The following CSF1 variants were observed in gnomAD, a reference collection of about 807,000 sequenced individuals.
CSF1 encodes the protein macrophage colony-stimulating factor 1.
CSF1 carries 9 observed loss-of-function variants against 48.9 expected under a neutral mutation model. That is an observed-to-expected ratio of 0.18 (90% CI 0.11 to 0.32). CSF1 has a LOEUF of 0.32. Ranked by LOEUF, CSF1 falls within the 10% of genes least tolerant of loss-of-function variation. CSF1 has a pLI of 1.00. For synonymous variants in CSF1, 305 were observed against 284.1 expected (o/e 1.07, Z -0.74); for missense variants, 672 against 697.9 (o/e 0.96, Z 0.42).
intron 8 of CSF1, among the ~76,000 whole-genome samples, chr1:109,928,588 C>T (rs1264724182): frequency 2.0e-5 from 3 of 152,116 alleles, no homozygotes; most frequent in South Asian, 2.1e-4. Context: ...AGACCTCTCC[C>T]GGGCCCCGTT....
At position 109,911,075 on chromosome 1, in the gene CSF1, C is replaced by A; in HGVS notation, c.39+13C>A. ...CTGCCCTCCCACGGTAAGCGACGGC[C>A]GCGGCGCTGGGCCCGGGACGGGCTG... On this transcript the variant is annotated intron_variant, in intron 1 of 8. Transcript: ENST00000329608. The A allele has an allele frequency of 9.3e-7, 1 of 1,071,750 alleles. No homozygotes were observed. The highest frequency in any genetic ancestry group is 1.1e-6 in the Non-Finnish European group (1 of 887,808). The allele number at this position is 1,071,750 out of a possible 1,614,324, so 66.4% of individuals were successfully genotyped here.
At chr1:109,923,076 T>A in intron 5 of CSF1, 90 bp from the exon 6 acceptor site, 1 of 1,324,596 alleles carries the variant, frequency 7.5e-7, no homozygotes, top group African/African-American at 1.5e-5. Flanking sequence ...CACATTCCCC[T>A]CTTGCCCCGC....
chr1:109,912,174 G>A (rs537019457), intron 1 of CSF1, among the ~76,000 whole-genome samples: 2 of 152,222 alleles, frequency 1.3e-5, no homozygotes, highest in South Asian at 2.1e-4. Context: ...AAAGCTTCGG[G>A]GCTGAAGGGG....
chr1:109,917,761 A>G (rs1647302432), intron 4 of CSF1, among the ~76,000 whole-genome samples: 1 of 152,188 alleles, frequency 6.6e-6, no homozygotes, highest in Admixed American at 6.5e-5. Context: ...ATTACAAACT[A>G]TAAGGACTGT....
chr1:109,919,602 G>A (rs1475800), intron 4 of CSF1, among the ~76,000 whole-genome samples: 12,597 of 152,126 alleles, frequency 0.083, 896 homozygotes, highest in African/African-American at 0.2. Flanking sequence ...AATCACTTGG[G>A]GAATGTGTTG....
rs750993174 is a variant in CSF1 at position 109,924,151 on chromosome 1, G to A, written c.1530G>A (p.Leu510=). The A allele has an allele frequency of 6.2e-7, 1 of 1,613,330 alleles. No homozygotes were observed. The highest frequency in any genetic ancestry group is 1.1e-5 in the South Asian group (1 of 91,012). ...TGCCCAGTGTCATCCTGGTCTTGCTGGCCGTCGGAGGCCTCTTGTTCTACA... is the reference window on the plus strand; with the variant it reads ...TGCCCAGTGTCATCCTGGTCTTGCTAGCCGTCGGAGGCCTCTTGTTCTACA... The part of the protein sequence containing the change: ...LLVPSVILVL[L]AVGGLLFYRW... Residue 510 remains leucine, a synonymous_variant, in exon 6 of 9, where the codon CTG becomes CTA. Coordinates refer to ENST00000329608, the MANE Select transcript of CSF1 (RefSeq NM_000757.6).
Position 109,930,869 on chromosome 1 carries a change from C to T in CSF1, c.*2031C>T, listed in dbSNP as rs1469899555. The T allele has an allele frequency of 1.3e-5, 2 of 152,058 alleles. No homozygotes were observed. Among genetic ancestry groups the T allele is most frequent in the Non-Finnish European group, 2.9e-5 (2 of 68,030 alleles). 9.4% of individuals were successfully genotyped at this position (152,058 alleles called of 1,614,324 possible). ...AGTCAAGAGAGGACATTGGCTCACG[C>T]ACTGTGAGATTTTGTTTTTATACTT... On this transcript the variant is annotated 3_prime_UTR_variant, in exon 9 of 9. Coordinates refer to ENST00000329608, the MANE Select transcript of CSF1 (RefSeq NM_000757.6).
At position 109,921,997 on chromosome 1, in the gene CSF1, A is replaced by C; in HGVS notation, c.544+3A>C. ...CTTTGCTGAATGCTCCAGCCAAGGT[A>C]AGCATGGCAGGGGCCAGCAAGTGTG... On this transcript the variant is annotated splice_donor_region_variant and intron_variant, in intron 5 of 8. Coordinates refer to ENST00000329608, the MANE Select transcript of CSF1 (RefSeq NM_000757.6). The C allele has an allele frequency of 6.3e-7, 1 of 1,593,790 alleles. No individual in the cohort carries two copies.
intron 8 of CSF1, among the ~76,000 whole-genome samples, chr1:109,928,298 T>C (rs979510957): frequency 2.6e-5 from 4 of 152,162 alleles, no homozygotes; most frequent in Non-Finnish European, 5.9e-5. Context: ...AGTGTGGGAA[T>C]TTCCTTGTCC....
rs988787953 is a variant in CSF1 at position 109,923,012 on chromosome 1, C to G, written c.545-154C>G. ...CTGTGTCATGAGCACCCACTCTAGT[C>G]CCATCCTCTTCTCAGCCCCAGGGCT... On this transcript the variant is annotated intron_variant, in intron 5 of 8. Transcript: ENST00000329608. 5.3e-5 allele frequency among the ~76,000 whole-genome samples: 8 copies of G among 152,250 alleles called. No homozygotes were observed. The South Asian group carries it at 6.2e-4, about 12-fold the overall frequency.
At position 109,924,002 on chromosome 1, in the gene CSF1, A is replaced by G. The variant is rs34545271; in HGVS notation, c.1381A>G (p.Ser461Gly). 1,347 of 1,614,196 alleles carry G rather than the reference A, an allele frequency of 8.3e-4. 7 individuals carry two copies. In the African/African-American group the frequency reaches 0.015, roughly 18 times the overall value. The change falls in exon 6 of 9, where the codon AGT (serine) becomes GGT (glycine). Residue 461 changes from serine (S) to glycine (G), a missense_variant. Around this residue, in one of 3 missense-constraint regions of CSF1, gnomAD observed 591 missense variants for 593.6 expected, o/e 1.00. Transcript: ENST00000329608. ...SPAEPEGGPA[S>G]EGAARPLPRF... ...CGCAGAGCCAGAAGGAGGACCAGCA[A>G]GTGAAGGGGCAGCCAGGCCCCTGCC... is the stretch of plus-strand genomic sequence containing the variant.
intron 1 of CSF1, 33 bp downstream of exon 1, chr1:109,911,095 G>C: frequency 9.8e-7 from 1 of 1,022,170 alleles, no homozygotes; most frequent in Non-Finnish European, 1.2e-6. Flanking sequence ...GGCCCGGGAC[G>C]GGCTGGGGCG....
At chr1:109,925,102 C>G (rs1289873567) in intron 7 of CSF1, 45 bp from the exon 8 acceptor site, 1 of 1,573,618 alleles carries the variant, frequency 6.4e-7, no homozygotes, top group Non-Finnish European at 8.7e-7. Flanking sequence ...CCTTATTCCC[C>G]TGCTCCTGCT....
rs766733065 is a variant in CSF1 at position 109,914,310 on chromosome 1, A to G, written c.91A>G (p.Ile31Val). 4 of 1,608,156 alleles carry G rather than the reference A, an allele frequency of 2.5e-6. No homozygotes were observed. Among genetic ancestry groups the G allele is most frequent in the Non-Finnish European group, 3.4e-6 (4 of 1,177,176 alleles). ...GGTCTGTCTCCTGGCGAGCAGGAGTATCACCGAGGAGGTGTCGGAGTACTG... is the reference window on the plus strand; with the variant it reads ...GGTCTGTCTCCTGGCGAGCAGGAGTGTCACCGAGGAGGTGTCGGAGTACTG... ...LLVCLLASRS[I>V]TEEVSEYCSH... The change falls in exon 2 of 9, where the codon ATC becomes GTC. Residue 31 changes from isoleucine (I) to valine (V), a missense_variant. Physicochemically the swap from Ile to Val is conservative, Grantham distance 29. This residue lies in a region of CSF1 where 53 missense variants were observed against 45.5 expected (regional missense o/e 1.17). Coordinates refer to ENST00000329608, the MANE Select transcript of CSF1 (RefSeq NM_000757.6).
At chr1:109,917,667 A>G (rs557788259) in intron 4 of CSF1, among the ~76,000 whole-genome samples, 1 of 152,372 alleles carries the variant, frequency 6.6e-6, no homozygotes, top group East Asian at 1.9e-4. Context: ...CATCATGAGC[A>G]ACAAATACAT....
chr1:109,917,390 C>T lies in CSF1; in HGVS notation c.323C>T (p.Ala108Val), dbSNP rs777469767. ...RFRDNTPNAI[A>V]IVQLQELSLR... ...AGAGATAACACCCCCAATGCCATCG[C>T]CATTGTGCAGCTGCAGGAACTCTCT... The change falls in exon 4 of 9, where the codon GCC becomes GTC. Residue 108 changes from alanine to valine, a missense_variant. Coordinates refer to ENST00000329608, the MANE Select transcript of CSF1 (RefSeq NM_000757.6). 8 of 1,614,170 alleles carry T rather than the reference C, an allele frequency of 5.0e-6. No individual in the cohort carries two copies. The highest frequency in any genetic ancestry group is 6.8e-6 in the Non-Finnish European group (8 of 1,180,014).
At chr1:109,924,306 G>A in intron 6 of CSF1, 116 bp downstream of exon 6, 3 of 854,968 alleles carry the variant, frequency 3.5e-6, no homozygotes, top group Non-Finnish European at 5.3e-6. Context: ...GACACAGAGA[G>A]ATAGGGGCTG....
chr1:109,923,567 C>A lies in CSF1; in HGVS notation c.946C>A (p.Pro316Thr). 6.2e-7 allele frequency: 1 copy of A among 1,614,188 alleles called. No individual in the cohort carries two copies. The highest frequency in any genetic ancestry group is 8.5e-7 in the Non-Finnish European group (1 of 1,180,028). Reference sequence around the variant, plus strand: ...AGCCTCTGGAGAGGCCAGTGAGATTCCCGTACCCCAAGGGACAGAGCTTTC... The same window carrying A: ...AGCCTCTGGAGAGGCCAGTGAGATTACCGTACCCCAAGGGACAGAGCTTTC... ...EEASGEASEI[P>T]VPQGTELSPS... The change falls in exon 6 of 9, where the codon CCC becomes ACC. Residue 316 changes from proline (P) to threonine (T), a missense_variant. Pro to Thr is a conservative substitution (Grantham distance 38, BLOSUM62 -1). This residue lies in a region of CSF1 where 591 missense variants were observed against 593.6 expected (regional missense o/e 1.00). Coordinates refer to ENST00000329608, the MANE Select transcript of CSF1 (RefSeq NM_000757.6).
chr1:109,912,676 C>A (rs975194773), intron 1 of CSF1, among the ~76,000 whole-genome samples: 1 of 152,212 alleles, frequency 6.6e-6, no homozygotes, highest in African/African-American at 2.4e-5. Context: ...AGGTTGTCTT[C>A]CTGAGCGGTC....
Sources: allele counts gnomAD v4.1 joint callset (sites outside exome capture counted in the v4.1 genomes callset), GRCh38; gene constraint gnomAD v4.1.1; regional missense constraint gnomAD v4.1.1; transcripts MANE v1.5; gene names NCBI Gene and HGNC (gene_info 2026-07-23, HGNC 2026-07-21).